Variants in PLPP4 observed in about 807,000 individuals in gnomAD.
PLPP4 encodes diacylglycerol pyrophosphate like 2.
Under a neutral mutation model 32.2 loss-of-function variants are expected in PLPP4, and 20 were observed. That is an observed-to-expected ratio of 0.62 (90% CI 0.44 to 0.90). The LOEUF is 0.90. Ranked by LOEUF, PLPP4 falls within the 40% of genes least tolerant of loss-of-function variation. The pLI is 0.00. For synonymous variants in PLPP4, 127 were observed against 133.0 expected, an observed-to-expected ratio of 0.95 and a Z score of 0.31; for missense variants, 257 against 353.1, an observed-to-expected ratio of 0.73 and a Z score of 2.18.
chr10:120,520,927 A>T lies in PLPP4; in HGVS notation c.321-44A>T, dbSNP rs769180632. On this transcript the variant is annotated intron_variant, in intron 4 of 6. Coordinates refer to ENST00000398250, the MANE Select transcript of PLPP4 (RefSeq NM_001030059.3). ...GGGGGTCAGCTTGGGGTCATTTGTG[A>T]TGGCAGCATTTTATATTGAAAATGT... The T allele has an allele frequency of 7.5e-6, 12 of 1,610,694 alleles. No homozygotes were observed. The South Asian group carries it at 1.2e-4, about 16-fold the overall frequency.
At position 120,590,785 on chromosome 10, in the gene PLPP4, T is replaced by TTTTA. The variant is rs1849969558; in HGVS notation, c.*1283_*1284insTTTA. Among the ~76,000 whole-genome samples, 1 of 149,176 alleles carries TTTTA rather than the reference T, an allele frequency of 6.7e-6. No homozygotes were observed. Among genetic ancestry groups the TTTTA allele is most frequent in the Admixed American group, 6.7e-5 (1 of 14,992 alleles). ...AGTGTCACTTTTTTTTTTTTTTTTTTGAGATGGAGTCTCGCTGTGTCGAGA... is the reference window on the plus strand; with the variant it reads ...AGTGTCACTTTTTTTTTTTTTTTTTTTTTAGAGATGGAGTCTCGCTGTGTCGAGA... On this transcript the variant is annotated 3_prime_UTR_variant, in exon 7 of 7. Coordinates refer to ENST00000398250, the MANE Select transcript of PLPP4 (RefSeq NM_001030059.3).
chr10:120,588,228 A>G (rs1849850000), intron 6 of PLPP4, among the ~76,000 whole-genome samples: 1 of 152,256 alleles, frequency 6.6e-6, no homozygotes, highest in South Asian at 2.1e-4. Context: ...GAACACACAC[A>G]CAGATACTAA....
intron 5 of PLPP4, among the ~76,000 whole-genome samples, chr10:120,532,495 G>A (rs1187285125): frequency 1.3e-5 from 2 of 151,972 alleles, no homozygotes; most frequent in African/African-American, 2.4e-5. Context: ...CATTTAAAAT[G>A]GTTTATGGTA....
intron 6 of PLPP4, among the ~76,000 whole-genome samples, chr10:120,582,206 G>A (rs1054214182): frequency 6.6e-6 from 1 of 152,176 alleles, no homozygotes; most frequent in African/African-American, 2.4e-5. Context: ...CCGTTCTGGA[G>A]GCTGGAAGTC....
chr10:120,472,123 C>T (rs1848541849), intron 1 of PLPP4, among the ~76,000 whole-genome samples: 1 of 152,002 alleles, frequency 6.6e-6, no homozygotes, highest in Non-Finnish European at 1.5e-5. Flanking sequence ...AATATACTTT[C>T]ACAGAAATTA....
chr10:120,477,518 A>G (rs1843995114), intron 1 of PLPP4, among the ~76,000 whole-genome samples: 1 of 152,150 alleles, frequency 6.6e-6, no homozygotes, highest in Non-Finnish European at 1.5e-5. Context: ...GGAAATCACA[A>G]ACTCTTGCCT....
At chr10:120,520,901 G>T (rs191631717) in intron 4 of PLPP4, 70 bp from the exon 5 acceptor site, 7 of 1,587,004 alleles carry the variant, frequency 4.4e-6, no homozygotes, top group Non-Finnish European at 5.2e-6. Flanking sequence ...TGGGGAGTTG[G>T]GGGGGTCAGC....
At chr10:120,460,531 G>C (rs1402196397) in intron 1 of PLPP4, among the ~76,000 whole-genome samples, 1 of 152,102 alleles carries the variant, frequency 6.6e-6, no homozygotes, top group Non-Finnish European at 1.5e-5. Context: ...TGTGTGTCAG[G>C]CACCAATGAA....
intron 3 of PLPP4, among the ~76,000 whole-genome samples, chr10:120,518,407 T>C (rs1195105891): frequency 2.0e-5 from 3 of 152,232 alleles, no homozygotes; most frequent in East Asian, 3.9e-4. Context: ...TTTTCTGCAG[T>C]AGGATTCCAG....
chr10:120,586,317 T>G (rs1271948757), intron 6 of PLPP4, among the ~76,000 whole-genome samples: 2 of 143,860 alleles, frequency 1.4e-5, no homozygotes, highest in Non-Finnish European at 1.5e-5. Flanking sequence ...TTTTTTTTTG[T>G]AGTTTTAGTA....
chr10:120,543,125 T>G (rs1847431655), intron 5 of PLPP4, among the ~76,000 whole-genome samples: 1 of 152,202 alleles, frequency 6.6e-6, no homozygotes, highest in Non-Finnish European at 1.5e-5. Context: ...CACCAGGCTC[T>G]GCCAGCACTT....
At chr10:120,586,693 G>T (rs1428053383) in intron 6 of PLPP4, among the ~76,000 whole-genome samples, 1 of 152,176 alleles carries the variant, frequency 6.6e-6, no homozygotes, top group Non-Finnish European at 1.5e-5. Context: ...ATTATGCTGT[G>T]AGCAAGATGT....
intron 1 of PLPP4, among the ~76,000 whole-genome samples, chr10:120,484,858 G>T (rs1844371918): frequency 6.6e-6 from 1 of 152,216 alleles, no homozygotes; most frequent in Non-Finnish European, 1.5e-5. Context: ...CTGAGATGGA[G>T]AGATTATTCT....
chr10:120,469,160 G>A (rs1589716617), intron 1 of PLPP4, among the ~76,000 whole-genome samples: 2 of 63,526 alleles, frequency 3.1e-5, no homozygotes, highest in African/African-American at 6.7e-5. Flanking sequence ...ATGAAGAAAC[G>A]TGGTGAAATT....
chr10:120,566,543 CTT>C (rs35692314), intron 5 of PLPP4, among the ~76,000 whole-genome samples: 18 of 140,980 alleles, frequency 1.3e-4, no homozygotes, highest in Admixed American at 2.8e-4. Flanking sequence ...CCTACTTATT[CTT>C]TTTTTTTTTT....
chr10:120,476,100 T>G (rs1843893087), intron 1 of PLPP4, among the ~76,000 whole-genome samples: 1 of 152,126 alleles, frequency 6.6e-6, no homozygotes, highest in African/African-American at 2.4e-5. Flanking sequence ...GCCTTGGAGA[T>G]CTGGGCTGCA....
At chr10:120,511,301 G>T (rs1234961750) in intron 2 of PLPP4, among the ~76,000 whole-genome samples, 1 of 152,138 alleles carries the variant, frequency 6.6e-6, no homozygotes, top group Non-Finnish European at 1.5e-5. Context: ...CCTTGATCCT[G>T]AGCGCCTCCC....
chr10:120,556,946 C>T (rs1848189428), intron 5 of PLPP4, among the ~76,000 whole-genome samples: 1 of 151,848 alleles, frequency 6.6e-6, no homozygotes, highest in Non-Finnish European at 1.5e-5. Context: ...ATGTTGCAGT[C>T]AGTGAAGAGA....
At chr10:120,574,187 C>CTT (rs1849098255) in intron 5 of PLPP4, among the ~76,000 whole-genome samples, 1 of 117,626 alleles carries the variant, frequency 8.5e-6, no homozygotes, top group Non-Finnish European at 1.7e-5. Flanking sequence ...CTCTCTCTCT[C>CTT]TCTCTCTCTC....
Sources: gnomAD v4.1 joint callset for allele counts (sites outside exome capture counted in the v4.1 genomes callset) on GRCh38, gnomAD v4.1.1 for gene constraint, MANE v1.5 for transcripts, NCBI Gene and HGNC (gene_info 2026-07-23, HGNC 2026-07-21) for gene names.